The following OSBPL6 variants were observed in gnomAD, a reference collection of about 807,000 sequenced individuals.
OSBPL6 encodes the protein oxysterol binding protein like 6, also known as oxysterol-binding protein-related protein 6.
OSBPL6 carries 49 observed loss-of-function variants against 125.8 expected under a neutral mutation model. That is an observed-to-expected ratio of 0.39 (90% CI 0.31 to 0.49). The LOEUF (loss-of-function observed/expected upper bound fraction) is 0.49. Among genes scored for constraint, OSBPL6 ranks in the 20% least tolerant of loss-of-function variants. The probability of loss-of-function intolerance (pLI) is 0.88; values close to 1 mark genes in which losing one functional copy is unlikely to be tolerated. For synonymous variants in OSBPL6, 394 were observed against 391.8 expected (o/e 1.01, Z -0.07); for missense variants, 986 against 1,135.4 (o/e 0.87, Z 1.89).
intron 2 of OSBPL6, among the ~76,000 whole-genome samples, chr2:178,292,144 T>C (rs1367991418): frequency 5.3e-5 from 8 of 151,794 alleles, no homozygotes; most frequent in African/African-American, 1.9e-4. Context: ...CGAAACTCAA[T>C]GATTGGTACA....
At chr2:178,281,012 T>C (rs1188535198) in intron 1 of OSBPL6, among the ~76,000 whole-genome samples, 4 of 61,608 alleles carry the variant, frequency 6.5e-5, no homozygotes, top group Admixed American at 1.4e-4. Context: ...GCTTTTGACT[T>C]TTTTTTTTTT....
intron 4 of OSBPL6, among the ~76,000 whole-genome samples, chr2:178,327,551 G>A (rs984650385): frequency 2.6e-5 from 4 of 152,072 alleles, no homozygotes; most frequent in Non-Finnish European, 5.9e-5. Flanking sequence ...AAAGCCACAG[G>A]CATTAGACTT....
In OSBPL6 at chr2:178,377,344, G is replaced by A. The variant is rs568567941; in HGVS notation, c.1533+3317G>A. Among the ~76,000 whole-genome samples the A allele has an allele frequency of 3.3e-5, 5 of 152,282 alleles. No homozygotes were observed. The East Asian group carries it at 7.7e-4, about 24-fold the overall frequency. On this transcript the variant is annotated intron_variant, in intron 15 of 24. Transcript: ENST00000190611. Reference sequence around the variant, plus strand: ...CCAGATCACGCAAGAACTCACTCACGATCAGGAAGACAGTACCAAAGGGGA... The same window carrying A: ...CCAGATCACGCAAGAACTCACTCACAATCAGGAAGACAGTACCAAAGGGGA...
intron 14 of OSBPL6, among the ~76,000 whole-genome samples, chr2:178,372,671 A>C (rs529248809): frequency 4.8e-5 from 7 of 146,910 alleles, no homozygotes; most frequent in African/African-American, 1.3e-4. Flanking sequence ...CCTTGTTAAG[A>C]TAATACTAAC....
chr2:178,350,844 G>T (rs911490705), intron 12 of OSBPL6, among the ~76,000 whole-genome samples: 34 of 152,280 alleles, frequency 2.2e-4, no homozygotes, highest in African/African-American at 8.2e-4. Context: ...GCTGCTAAGG[G>T]GAGATGGTAC....
In OSBPL6 at chr2:178,392,455, G is replaced by T; in HGVS notation, c.2490G>T (p.Arg830Ser). 6.2e-7 allele frequency: 1 copy of T among 1,614,008 alleles called. No individual in the cohort carries two copies. Among genetic ancestry groups the T allele is most frequent in the Non-Finnish European group, 8.5e-7 (1 of 1,179,948 alleles). The change falls in exon 23 of 25, where the codon AGG becomes AGT. Residue 830 changes from arginine to serine, a missense_variant. This residue lies in a region of OSBPL6 where 843 missense variants were observed against 997.3 expected (regional missense o/e 0.85). Transcript: ENST00000190611. ...TNYELYYGFT[R>S]FAIELNELDP... ...ATGAGCTGTACTATGGCTTCACAAGGTTTGCTATTGAGCTCAATGAGTTAG... is the reference window on the plus strand; with the variant it reads ...ATGAGCTGTACTATGGCTTCACAAGTTTTGCTATTGAGCTCAATGAGTTAG...
chr2:178,252,531 C>CA (rs1264692365), intron 1 of OSBPL6, among the ~76,000 whole-genome samples: 6 of 151,356 alleles, frequency 4.0e-5, no homozygotes, highest in African/African-American at 9.7e-5. Flanking sequence ...TTGGGTAAAA[C>CA]AAAAAAAATA....
chr2:178,199,756 C>T (rs758591538), intron 1 of OSBPL6, among the ~76,000 whole-genome samples: 1 of 151,964 alleles, frequency 6.6e-6, no homozygotes, highest in African/African-American at 2.4e-5. Context: ...TTAATTGATT[C>T]GTATAAAATT....
chr2:178,253,851 G>A (rs2091785171), intron 1 of OSBPL6, among the ~76,000 whole-genome samples: 2 of 150,444 alleles, frequency 1.3e-5, no homozygotes, highest in Non-Finnish European at 2.9e-5. Context: ...TGGAGAGGTG[G>A]GGCCTTTAAG....
intron 19 of OSBPL6, among the ~76,000 whole-genome samples, chr2:178,386,691 T>C (rs1016860933): frequency 3.3e-5 from 5 of 150,984 alleles, no homozygotes; most frequent in African/African-American, 1.2e-4. Context: ...GTAGAGTCTA[T>C]GTTTGTATGT....
At chr2:178,349,460 ATCTTTG>A (rs1691035586) in intron 12 of OSBPL6, 71 bp downstream of exon 12, 1 of 1,521,922 alleles carries the variant, frequency 6.6e-7, no homozygotes, top group Non-Finnish European at 9.0e-7. Context: ...TTGTTCTTTT[ATCTTTG>A]TCTTTGTGGT....
intron 2 of OSBPL6, among the ~76,000 whole-genome samples, chr2:178,289,710 C>G (rs1161610373): frequency 2.0e-5 from 3 of 152,184 alleles, no homozygotes; most frequent in Non-Finnish European, 2.9e-5. Flanking sequence ...TCATAAAACT[C>G]TTATCTAGAA....
At chr2:178,248,088 T>G (rs971965384) in intron 1 of OSBPL6, among the ~76,000 whole-genome samples, 1 of 152,162 alleles carries the variant, frequency 6.6e-6, no homozygotes, top group African/African-American at 2.4e-5. Flanking sequence ...AGTTATATTC[T>G]CCCTACTTGT....
At chr2:178,310,679 A>G (rs1194744230) in intron 3 of OSBPL6, among the ~76,000 whole-genome samples, 1 of 151,910 alleles carries the variant, frequency 6.6e-6, no homozygotes. Flanking sequence ...GGCCTCCCAA[A>G]GTGCGGGGAT....
chr2:178,217,457 C>A (rs1052552337), intron 1 of OSBPL6, among the ~76,000 whole-genome samples: 1 of 151,976 alleles, frequency 6.6e-6, no homozygotes, highest in African/African-American at 2.4e-5. Context: ...TGTCATCGCA[C>A]GCCAGGAAAA....
chr2:178,378,521 A>G (rs6738749), intron 15 of OSBPL6, among the ~76,000 whole-genome samples: 89,225 of 152,112 alleles, frequency 0.59, 26,366 homozygotes, highest in South Asian at 0.76. Flanking sequence ...ACAATAATCT[A>G]TTTGCCTTTA....
At chr2:178,333,244 A>G (rs1049733955) in intron 8 of OSBPL6, among the ~76,000 whole-genome samples, 1 of 152,048 alleles carries the variant, frequency 6.6e-6, no homozygotes, top group African/African-American at 2.4e-5. Flanking sequence ...AATTTGTCAA[A>G]TGTGATGCTG....
intron 1 of OSBPL6, among the ~76,000 whole-genome samples, chr2:178,218,851 A>G (rs910428386): frequency 6.6e-6 from 1 of 151,686 alleles, no homozygotes; most frequent in Non-Finnish European, 1.5e-5. Flanking sequence ...GCTAGTCTTG[A>G]ACTCCTGACC....
chr2:178,303,404 T>A (rs1212647280), intron 2 of OSBPL6, among the ~76,000 whole-genome samples: 1 of 152,188 alleles, frequency 6.6e-6, no homozygotes, highest in Non-Finnish European at 1.5e-5. Context: ...ATTGGGATTG[T>A]TCTTTTAGGT....
Sources: gnomAD v4.1 joint callset for allele counts (sites outside exome capture counted in the v4.1 genomes callset) on GRCh38, gnomAD v4.1.1 for gene constraint, gnomAD v4.1.1 regional missense constraint, MANE v1.5 for transcripts, NCBI Gene and HGNC (gene_info 2026-07-23, HGNC 2026-07-21) for gene names.